Variants in GLG1 observed in about 807,000 individuals in gnomAD.
GLG1 encodes the protein golgi glycoprotein 1.
GLG1 carries 38 observed loss-of-function variants against 160.5 expected under a neutral mutation model. That is an observed-to-expected ratio of 0.24 (90% CI 0.18 to 0.31). The LOEUF is 0.31. Ranked by LOEUF, GLG1 falls within the 10% of genes least tolerant of loss-of-function variation. GLG1 has a pLI of 1.00. For missense variants in GLG1, 1,373 were observed against 1,505.2 expected, an observed-to-expected ratio of 0.91 and a Z score of 1.45; for synonymous variants, 644 against 543.4, an observed-to-expected ratio of 1.19 and a Z score of -2.57.
chr16:74,565,704 C>T (rs1286192616), intron 1 of GLG1, among the ~76,000 whole-genome samples: 1 of 152,214 alleles, frequency 6.6e-6, no homozygotes, highest in African/African-American at 2.4e-5. Flanking sequence ...TAGTTCTCAA[C>T]CTTTCCTGGT....
chr16:74,523,135 C>A (rs967036119), intron 2 of GLG1, among the ~76,000 whole-genome samples: 1 of 152,162 alleles, frequency 6.6e-6, no homozygotes, highest in Non-Finnish European at 1.5e-5. Context: ...ACAAGAGATA[C>A]TTTAAAAGAG....
chr16:74,599,830 C>T (rs901128075), intron 1 of GLG1, among the ~76,000 whole-genome samples: 1 of 151,674 alleles, frequency 6.6e-6, no homozygotes, highest in Non-Finnish European at 1.5e-5. Context: ...CGCCACTGCA[C>T]TCCAGCCTGG....
intron 1 of GLG1, among the ~76,000 whole-genome samples, chr16:74,548,398 G>A (rs1234630149): frequency 6.6e-6 from 1 of 152,144 alleles, no homozygotes; most frequent in Non-Finnish European, 1.5e-5. Flanking sequence ...GTAGCCTCTG[G>A]CAGAAGTTTT....
At chr16:74,575,200 C>G (rs563000837) in intron 1 of GLG1, among the ~76,000 whole-genome samples, 2 of 149,666 alleles carry the variant, frequency 1.3e-5, no homozygotes, top group African/African-American at 2.5e-5. Flanking sequence ...GAGCTGAGAT[C>G]ACACCACTGC....
chr16:74,501,427 C>A (rs528683489), intron 4 of GLG1, among the ~76,000 whole-genome samples: 22 of 152,274 alleles, frequency 1.4e-4, no homozygotes, highest in Non-Finnish European at 2.6e-4. Context: ...TCCATAGGAA[C>A]AATTTTTATT....
At chr16:74,577,865 C>T (rs1009558511) in intron 1 of GLG1, among the ~76,000 whole-genome samples, 5 of 151,942 alleles carry the variant, frequency 3.3e-5, no homozygotes, top group South Asian at 2.1e-4. Flanking sequence ...GATTCTTCCA[C>T]CTTGGCCTCC....
At chr16:74,593,430 C>CTTT (rs11342633) in intron 1 of GLG1, among the ~76,000 whole-genome samples, 7 of 96,408 alleles carry the variant, frequency 7.3e-5, no homozygotes, top group Non-Finnish European at 1.4e-4. Flanking sequence ...AGTACCAGAG[C>CTTT]TTTTTTTTTT....
intron 1 of GLG1, among the ~76,000 whole-genome samples, chr16:74,602,940 C>G (rs1284533342): frequency 1.3e-5 from 2 of 151,912 alleles, no homozygotes; most frequent in Admixed American, 1.3e-4. Context: ...GCAGGCAGAT[C>G]ACCTAAGGTG....
intron 2 of GLG1, among the ~76,000 whole-genome samples, chr16:74,521,783 G>A (rs558781991): frequency 6.6e-6 from 1 of 152,168 alleles, no homozygotes; most frequent in Non-Finnish European, 1.5e-5. Context: ...AGTCCTGGCA[G>A]CAGTTCATGG....
At chr16:74,602,739 T>C (rs1475629215) in intron 1 of GLG1, among the ~76,000 whole-genome samples, 1 of 150,884 alleles carries the variant, frequency 6.6e-6, no homozygotes, top group Non-Finnish European at 1.5e-5. Flanking sequence ...GCCAAGATCG[T>C]GCCCCTGCAC....
intron 1 of GLG1, among the ~76,000 whole-genome samples, chr16:74,549,234 A>G (rs1567517511): frequency 6.6e-6 from 1 of 152,174 alleles, no homozygotes; most frequent in Non-Finnish European, 1.5e-5. Flanking sequence ...CTATCTCTCT[A>G]GTAAAGTAAT....
chr16:74,602,774 C>G (rs1958471075), intron 1 of GLG1, among the ~76,000 whole-genome samples: 1 of 149,818 alleles, frequency 6.7e-6, no homozygotes, highest in East Asian at 2.0e-4. Flanking sequence ...CAGAGTGAGA[C>G]TCTGTCTCTC....
intron 1 of GLG1, among the ~76,000 whole-genome samples, chr16:74,558,242 A>T (rs1320910860): frequency 6.6e-6 from 1 of 152,168 alleles, no homozygotes; most frequent in Non-Finnish European, 1.5e-5. Context: ...CACTTTTGGC[A>T]GTATCACCAC....
chr16:74,467,455 A>G (rs936930827), intron 18 of GLG1, among the ~76,000 whole-genome samples: 1 of 152,192 alleles, frequency 6.6e-6, no homozygotes, highest in African/African-American at 2.4e-5. Flanking sequence ...TGAGAATGCT[A>G]CAGAGGAGGA....
chr16:74,494,877 T>TA (rs2016130039), intron 5 of GLG1, 46 bp from the exon 6 acceptor site: 1 of 907,144 alleles, frequency 1.1e-6, no homozygotes, highest in East Asian at 2.4e-5. Context: ...GCTAAATAGT[T>TA]ATGCTGAACA....
intron 1 of GLG1, among the ~76,000 whole-genome samples, chr16:74,536,207 CAGAT>C (rs1391242184): frequency 1.3e-5 from 2 of 152,298 alleles, no homozygotes; most frequent in East Asian, 1.9e-4. Flanking sequence ...ACCACTTCAT[CAGAT>C]ATAGTACATC....
intron 1 of GLG1, among the ~76,000 whole-genome samples, chr16:74,599,737 G>A (rs1485073139): frequency 1.3e-5 from 2 of 152,054 alleles, no homozygotes; most frequent in African/African-American, 4.8e-5. Flanking sequence ...GGTGGTGGGC[G>A]CCTGTAGTCC....
intron 2 of GLG1, among the ~76,000 whole-genome samples, chr16:74,518,024 C>T (rs1226558869): frequency 1.3e-5 from 2 of 152,162 alleles, no homozygotes; most frequent in African/African-American, 4.8e-5. Flanking sequence ...AGGAGAACTA[C>T]AAACCACTGC....
intron 1 of GLG1, among the ~76,000 whole-genome samples, chr16:74,544,238 A>G (rs575205602): frequency 6.6e-6 from 1 of 152,254 alleles, no homozygotes; most frequent in East Asian, 1.9e-4. Flanking sequence ...AATTTTGGAA[A>G]GAGATCTGGG....
Sources: gnomAD v4.1 joint callset for allele counts (sites outside exome capture counted in the v4.1 genomes callset) on GRCh38, gnomAD v4.1.1 for gene constraint, MANE v1.5 for transcripts, NCBI Gene and HGNC (gene_info 2026-07-23, HGNC 2026-07-21) for gene names.